SLC30A4: variants seen among roughly 807,000 people sequenced by gnomAD.
SLC30A4 encodes probable proton-coupled zinc antiporter SLC30A4.
Under a neutral mutation model 41.7 loss-of-function variants are expected in SLC30A4, and 20 were observed. That is an observed-to-expected ratio of 0.48 (90% CI 0.34 to 0.70). The LOEUF is 0.70. Ranked by LOEUF, SLC30A4 falls within the 30% of genes least tolerant of loss-of-function variation. The pLI is 0.01. For missense variants in SLC30A4, 441 were observed against 529.3 expected, an observed-to-expected ratio of 0.83 and a Z score of 1.64; for synonymous variants, 181 against 195.9, an observed-to-expected ratio of 0.92 and a Z score of 0.64.
At chr15:45,495,367 C>T (rs147925855) in intron 3 of SLC30A4, among the ~76,000 whole-genome samples, 3 of 152,208 alleles carry the variant, frequency 2.0e-5, no homozygotes, top group East Asian at 1.9e-4. Context: ...AATAGAGCCC[C>T]GTTTCACTCT....
intron 3 of SLC30A4, among the ~76,000 whole-genome samples, chr15:45,501,224 C>T (rs186446672): frequency 3.2e-4 from 48 of 151,862 alleles, no homozygotes; most frequent in African/African-American, 9.9e-4. Flanking sequence ...AGGAGAATGG[C>T]GTGAACCTGG....
In SLC30A4 at chr15:45,485,142, G is replaced by A; in HGVS notation, c.*21C>T. 2 of 1,598,656 alleles carry A rather than the reference G, an allele frequency of 1.3e-6. No individual in the cohort carries two copies. Among genetic ancestry groups the A allele is most frequent in the East Asian group, 4.5e-5 (2 of 44,686 alleles). ...TGTGACTGCAGGATAAATAAGGCAG[G>A]AGTTCCCAAAATACATAAAATTAGG... On this transcript the variant is annotated 3_prime_UTR_variant, in exon 8 of 8. Transcript: ENST00000261867.
At position 45,486,596 on chromosome 15, in the gene SLC30A4, C is replaced by G; in HGVS notation, c.1135+15G>C. On this transcript the variant is annotated intron_variant, in intron 7 of 7. Transcript: ENST00000261867. ...TCCACCAACCCCAGGCCCACATTTACTACCAGCAACATACTTAGCTGTATG... is the reference window on the plus strand; with the variant it reads ...TCCACCAACCCCAGGCCCACATTTAGTACCAGCAACATACTTAGCTGTATG... The G allele has an allele frequency of 6.3e-7, 1 of 1,576,322 alleles. No homozygotes were observed. Among genetic ancestry groups the G allele is most frequent in the Non-Finnish European group, 8.6e-7 (1 of 1,166,708 alleles).
Position 45,486,624 on chromosome 15 carries a change from A to T in SLC30A4, c.1122T>A (p.Val374=). The T allele has an allele frequency of 6.2e-7, 1 of 1,605,206 alleles. No homozygotes were observed. Among genetic ancestry groups the T allele is most frequent in the Non-Finnish European group, 8.5e-7 (1 of 1,177,292 alleles). The change falls in exon 7 of 8, where the codon GTT becomes GTA. Residue 374 remains valine (V), a synonymous_variant. Transcript: ENST00000261867. ...CCAGCAACATACTTAGCTGTATGTG[A>T]ACTATGGCAGTAGATTTTCCTGAAG... ...SLTSGKSTAI[V]HIQLIPGSSS... is the part of the protein sequence containing the mutation.
rs1595530094 is a variant in SLC30A4 at position 45,511,394 on chromosome 15, T to C, written c.392-110A>G. 3.0e-6 allele frequency: 2 copies of C among 657,322 alleles called. 1 individual carries two copies. The allele number at this position is 657,322 out of a possible 1,614,324, so 40.7% of individuals were successfully genotyped here. On this transcript the variant is annotated intron_variant, in intron 2 of 7. Coordinates refer to ENST00000261867, the MANE Select transcript of SLC30A4 (RefSeq NM_013309.6). ...CAAAACATGAACTTCTAACTAAATC[T>C]TTATCCCATTACAATTAAATCAAGG...
At position 45,480,493 on chromosome 15, in the gene SLC30A4, C is replaced by A. The variant is rs2030602076; in HGVS notation, c.*4670G>T. On this transcript the variant is annotated 3_prime_UTR_variant, in exon 8 of 8. Coordinates refer to ENST00000261867, the MANE Select transcript of SLC30A4 (RefSeq NM_013309.6). ...ATTATTCGAAGATCAGACTTGCCTC[C>A]CCTCAACATAGCATATAGTGATGGG... The A allele has an allele frequency of 1.3e-5, 2 of 152,154 alleles. No homozygotes were observed. The highest frequency in any genetic ancestry group is 4.8e-5 in the African/African-American group (2 of 41,454). 9.4% of individuals were successfully genotyped at this position (152,154 alleles called of 1,614,324 possible). A position where few individuals can be genotyped will look rare whatever the true frequency, so the allele number is the denominator to read the frequency against.
chr15:45,501,493 C>A (rs112499919), intron 3 of SLC30A4, among the ~76,000 whole-genome samples: 1 of 152,016 alleles, frequency 6.6e-6, no homozygotes, highest in Admixed American at 6.6e-5. Context: ...AGCCTGAATA[C>A]GCAAATTTAT....
At position 45,485,022 on chromosome 15, in the gene SLC30A4, C is replaced by G. The variant is rs1323479160; in HGVS notation, c.*141G>C. 1.6e-6 allele frequency: 1 copy of G among 631,516 alleles called. No individual in the cohort carries two copies. Among genetic ancestry groups the G allele is most frequent in the African/African-American group, 1.9e-5 (1 of 53,568 alleles). 39.1% of individuals were successfully genotyped at this position (631,516 alleles called of 1,614,324 possible). The stretch of plus-strand genomic sequence containing the variant: ...TTAAACAGAGACTAGCACTGTCAGG[C>G]TGGGGCAACTGTTTGAGAGACTGAT... On this transcript the variant is annotated 3_prime_UTR_variant, in exon 8 of 8. Transcript: ENST00000261867.
At chr15:45,500,622 A>G (rs778494962) in intron 3 of SLC30A4, among the ~76,000 whole-genome samples, 2,707 of 85,456 alleles carry the variant, frequency 0.032, 31 homozygotes, top group South Asian at 0.07. Context: ...CTGTCTATCT[A>G]TCTATCTATC....
Position 45,485,333 on chromosome 15 carries a change from A to C in SLC30A4, c.1136-16T>G, listed in dbSNP as rs1344830193. The C allele has an allele frequency of 1.3e-5, 20 of 1,580,698 alleles. No homozygotes were observed. The highest frequency in any genetic ancestry group is 3.4e-5 in the Admixed American group (2 of 58,158). ...CTTCCAGGAACTGCAATGTCAAGAAAATATCATTACTATCCATTGTACAGT... is the reference window on the plus strand; with the variant it reads ...CTTCCAGGAACTGCAATGTCAAGAACATATCATTACTATCCATTGTACAGT... On this transcript the variant is annotated splice_polypyrimidine_tract_variant and intron_variant, in intron 7 of 7. Transcript: ENST00000261867.
chr15:45,498,014 A>G (rs1399369674), intron 3 of SLC30A4, among the ~76,000 whole-genome samples: 4 of 152,238 alleles, frequency 2.6e-5, no homozygotes, highest in Non-Finnish European at 5.9e-5. Context: ...CTGGCCTACC[A>G]TAACTGTTAA....
intron 3 of SLC30A4, among the ~76,000 whole-genome samples, chr15:45,506,838 CA>C (rs1892165714): frequency 6.6e-6 from 1 of 152,078 alleles, no homozygotes; most frequent in Non-Finnish European, 1.5e-5. Context: ...TAAAAATTGA[CA>C]TAAAATTCAT....
In SLC30A4 at chr15:45,485,225, G is replaced by C; in HGVS notation, c.1228C>G (p.Leu410Val). Reference sequence around the variant, plus strand: ...TCCACTTCTTGCCTGTAACTCTGAAGCTGAATAGTACATCTATACATGCCA... The same window carrying C: ...TCCACTTCTTGCCTGTAACTCTGAACCTGAATAGTACATCTATACATGCCA... ...TFGMYRCTIQLQSYRQEVDRT... is the reference protein window; with the variant it reads ...TFGMYRCTIQVQSYRQEVDRT... The change falls in exon 8 of 8, where the codon CTT (leucine) becomes GTT (valine). Residue 410 changes from leucine to valine, a missense_variant. Leu to Val is a conservative substitution (Grantham distance 32). Coordinates refer to ENST00000261867, the MANE Select transcript of SLC30A4 (RefSeq NM_013309.6). 3 of 1,612,938 alleles carry C rather than the reference G, an allele frequency of 1.9e-6. No homozygotes were observed. The highest frequency in any genetic ancestry group is 2.5e-6 in the Non-Finnish European group (3 of 1,179,218).
rs183453854 is a variant in SLC30A4 at position 45,486,290 on chromosome 15, T to G, written c.1135+321A>C. ...CACCCGCCTCAGCCTTCCAAAGTGC[T>G]AGGATTACAGGTGCGAGCCACCATG... On this transcript the variant is annotated intron_variant, in intron 7 of 7. Coordinates refer to ENST00000261867, the MANE Select transcript of SLC30A4 (RefSeq NM_013309.6). Among the ~76,000 whole-genome samples, 20 of 152,342 alleles carry G rather than the reference T, an allele frequency of 1.3e-4. No homozygotes were observed. The East Asian group carries it at 2.9e-3, about 22-fold the overall frequency.
At chr15:45,494,242 G>T (rs1891864516) in intron 3 of SLC30A4, among the ~76,000 whole-genome samples, 2 of 152,080 alleles carry the variant, frequency 1.3e-5, no homozygotes, top group South Asian at 4.2e-4. Flanking sequence ...TTAAGAAAAT[G>T]AAGCTAAATA....
chr15:45,500,165 C>T (rs1891991530), intron 3 of SLC30A4, among the ~76,000 whole-genome samples: 1 of 151,958 alleles, frequency 6.6e-6, no homozygotes, highest in African/African-American at 2.4e-5. Context: ...GAGCATGGAG[C>T]ATCTTGAGAG....
chr15:45,490,645 C>A, intron 4 of SLC30A4, 83 bp downstream of exon 4: 2 of 802,418 alleles, frequency 2.5e-6, no homozygotes, highest in East Asian at 2.6e-5. Flanking sequence ...ATCAAAATAT[C>A]ACTGAATATT....
intron 4 of SLC30A4, among the ~76,000 whole-genome samples, chr15:45,489,866 G>A (rs1219485051): frequency 6.6e-6 from 1 of 152,008 alleles, no homozygotes; most frequent in Non-Finnish European, 1.5e-5. Context: ...ATCATATTTG[G>A]CTCACTGATT....
intron 7 of SLC30A4, 123 bp from the exon 8 acceptor site, chr15:45,485,440 C>T (rs1257070593): frequency 9.3e-6 from 6 of 642,052 alleles, no homozygotes; most frequent in Non-Finnish European, 1.5e-5. Context: ...TCTACCCTCT[C>T]TAAGCTATTC....
Sources: gnomAD v4.1 joint callset for allele counts (sites outside exome capture counted in the v4.1 genomes callset) on GRCh38, gnomAD v4.1.1 for gene constraint, MANE v1.5 for transcripts, NCBI Gene and HGNC (gene_info 2026-07-23, HGNC 2026-07-21) for gene names.